FOXI2: variants seen among roughly 807,000 people sequenced by gnomAD.
FOXI2 encodes the protein forkhead box I2.
A neutral mutation model predicts 14.3 loss-of-function variants in FOXI2; 17 were observed. The ratio of observed to expected loss-of-function variants is 1.19; its 90% confidence interval spans 0.81 to 1.78. FOXI2 has a LOEUF of 1.78. Ranked by LOEUF, FOXI2 falls within the 40% of genes most tolerant of loss-of-function variation. The pLI, the probability that FOXI2 is intolerant of heterozygous loss-of-function variation, is 0.00. For synonymous variants in FOXI2, 240 were observed against 218.8 expected, an observed-to-expected ratio of 1.10 and a Z score of -0.85; for missense variants, 541 against 460.0, an observed-to-expected ratio of 1.18 and a Z score of -1.61.
chr10:127,737,851 C>A (rs1459117655), intron 1 of FOXI2, 67 bp downstream of exon 1: 3 of 1,558,540 alleles, frequency 1.9e-6, no homozygotes, highest in African/African-American at 1.4e-5. Context: ...GCGGGCACTC[C>A]GGGGGTGGGA....
rs969327418 is a variant in FOXI2 at position 127,737,636 on chromosome 10, G to C, written c.363G>C (p.Arg121=). ...IAMAIQSAPL[R]KLTLSQIYQY... is the part of the protein sequence containing the mutation. ...TGGCCATCCAGAGCGCGCCGCTGCG[G>C]AAGCTGACGCTCAGCCAGATCTACC... is the stretch of plus-strand genomic sequence containing the variant. The change falls in exon 1 of 2, where the codon CGG becomes CGC. Residue 121 remains arginine (R), a synonymous_variant. Transcript: ENST00000388920. 7.0e-6 allele frequency: 11 copies of C among 1,573,248 alleles called. No individual in the cohort carries two copies. Among genetic ancestry groups the C allele is most frequent in the Admixed American group, 3.8e-5 (2 of 53,174 alleles).
rs1190818788 is a variant in FOXI2 at position 127,740,092 on chromosome 10, ACACT to A, written c.*1131_*1134del. ...CATACTCACACTCACACCCACACTC[ACACT>A]CACACCCACACTCACACCACACTCA... On this transcript the variant is annotated 3_prime_UTR_variant, in exon 2 of 2. Coordinates refer to ENST00000388920, the MANE Select transcript of FOXI2 (RefSeq NM_207426.3). The A allele has an allele frequency of 3.4e-4, 41 of 120,940 alleles. No individual in the cohort carries two copies. Among genetic ancestry groups the A allele is most frequent in the African/African-American group, 1.3e-3 (38 of 29,190 alleles). 7.5% of individuals were successfully genotyped at this position (120,940 alleles called of 1,614,324 possible). A position where few individuals can be genotyped will look rare whatever the true frequency, so the allele number is the denominator to read the frequency against.
Position 127,737,487 on chromosome 10 carries a change from G to C in FOXI2, c.214G>C (p.Gly72Arg). 1 of 1,393,922 alleles carries C rather than the reference G, an allele frequency of 7.2e-7. No homozygotes were observed. Among genetic ancestry groups the C allele is most frequent in the Non-Finnish European group, 9.2e-7 (1 of 1,085,252 alleles). 86.3% of individuals were successfully genotyped at this position (1,393,922 alleles called of 1,614,324 possible). A position where few individuals can be genotyped will look rare whatever the true frequency, so the allele number is the denominator to read the frequency against. The change falls in exon 1 of 2, where the codon GGC becomes CGC. Residue 72 changes from glycine (G) to arginine (R), a missense_variant. Physicochemically the swap from Gly to Arg is moderately radical, Grantham distance 125. Coordinates refer to ENST00000388920, the MANE Select transcript of FOXI2 (RefSeq NM_207426.3). ...PYAAPSYGAPGPLLGAPGGLA... is the reference protein window; with the variant it reads ...PYAAPSYGAPRPLLGAPGGLA... ...CGCGGCCCCGAGCTACGGGGCTCCCGGCCCGCTCCTCGGCGCCCCGGGCGG... is the reference window on the plus strand; with the variant it reads ...CGCGGCCCCGAGCTACGGGGCTCCCCGCCCGCTCCTCGGCGCCCCGGGCGG...
Position 127,738,774 on chromosome 10 carries a change from G to T in FOXI2, c.766G>T (p.Ala256Ser). 3 of 1,605,704 alleles carry T rather than the reference G, an allele frequency of 1.9e-6. No individual in the cohort carries two copies. The highest frequency in any genetic ancestry group is 2.5e-6 in the Non-Finnish European group (3 of 1,176,906). The part of the protein sequence containing the change: ...SGFASAMSAL[A>S]GGLGTFPGGL... ...TTTCGCTTCTGCTATGAGCGCTCTGGCTGGCGGCCTTGGCACCTTCCCCGG... is the reference window on the plus strand; with the variant it reads ...TTTCGCTTCTGCTATGAGCGCTCTGTCTGGCGGCCTTGGCACCTTCCCCGG... The change falls in exon 2 of 2, where the codon GCT (alanine) becomes TCT (serine). Residue 256 changes from alanine to serine, a missense_variant. Physicochemically the swap from Ala to Ser is moderately conservative, Grantham distance 99. Transcript: ENST00000388920.
rs1426207789 is a variant in FOXI2 at position 127,737,582 on chromosome 10, G to A, written c.309G>A (p.Pro103=). Residue 103 remains proline (P), a synonymous_variant, in exon 1 of 2, where the codon CCG becomes CCA. Coordinates refer to ENST00000388920, the MANE Select transcript of FOXI2 (RefSeq NM_207426.3). ...GQQELLRLVR[P]PYSYSALIAM... Reference sequence around the variant, plus strand: ...AGGAGCTGCTGAGGCTGGTGCGGCCGCCCTACTCCTACTCGGCGCTCATCG... The same window carrying A: ...AGGAGCTGCTGAGGCTGGTGCGGCCACCCTACTCCTACTCGGCGCTCATCG... 4 of 1,550,460 alleles carry A rather than the reference G, an allele frequency of 2.6e-6. No individual in the cohort carries two copies. The highest frequency in any genetic ancestry group is 3.5e-6 in the Non-Finnish European group (4 of 1,147,306).
rs879181914 is a variant in FOXI2 at position 127,739,839 on chromosome 10, T to TCACACCCACACC, written c.*879_*880insCCACACCCACAC. 6 of 74,228 alleles carry TCACACCCACACC rather than the reference T, an allele frequency of 8.1e-5. 1 individual carries two copies. The highest frequency in any genetic ancestry group is 3.9e-4 in the African/African-American group (6 of 15,572). The allele number at this position is 74,228 out of a possible 1,614,324, so 4.6% of individuals were successfully genotyped here. The stretch of plus-strand genomic sequence containing the variant: ...CCCACACCCACACCCACACCCACAC[T>TCACACCCACACC]CACACTCACACTCACACCCACACTC... On this transcript the variant is annotated 3_prime_UTR_variant, in exon 2 of 2. Coordinates refer to ENST00000388920, the MANE Select transcript of FOXI2 (RefSeq NM_207426.3).
rs114480797 is a variant in FOXI2, at chr10:127,738,456, C to T, written c.512-64C>T. ...GATCTTTCTGAAGCTGACCTCCTCG[C>T]TGGCTCACACCACGGCCCGTCAAAG... On this transcript the variant is annotated intron_variant, in intron 1 of 1. Transcript: ENST00000388920. 2.6e-3 allele frequency: 3,516 copies of T among 1,336,508 alleles called. 83 individuals are homozygous for T. The African/African-American group carries it at 0.044, about 17-fold the overall frequency. The allele number at this position is 1,336,508 out of a possible 1,614,324, so 82.8% of individuals were successfully genotyped here.
In FOXI2 at chr10:127,740,066, TCATACTC is replaced by T; in HGVS notation, c.*1102_*1108del. On this transcript the variant is annotated 3_prime_UTR_variant, in exon 2 of 2. Transcript: ENST00000388920. ...CTGACACCCACACTCACACCCACAC[TCATACTC>T]ACACTCACACCCACACTCACACTCA... is the stretch of plus-strand genomic sequence containing the variant. 9.1e-5 allele frequency: 1 copy of T among 10,970 alleles called. No homozygotes were observed. The highest frequency in any genetic ancestry group is 3.1e-3 in the East Asian group (1 of 320). The allele number at this position is 10,970 out of a possible 1,614,324, so 0.7% of individuals were successfully genotyped here.
Position 127,737,246 on chromosome 10 carries a change from G to A in FOXI2, c.-28G>A. The A allele has an allele frequency of 6.8e-6, 10 of 1,469,130 alleles. No homozygotes were observed. Among genetic ancestry groups the A allele is most frequent in the Non-Finnish European group, 8.0e-6 (9 of 1,120,882 alleles). The allele number at this position is 1,469,130 out of a possible 1,614,324, so 91.0% of individuals were successfully genotyped here. A position where few individuals can be genotyped will look rare whatever the true frequency, so the allele number is the denominator to read the frequency against. On this transcript the variant is annotated 5_prime_UTR_variant, in exon 1 of 2. Coordinates refer to ENST00000388920, the MANE Select transcript of FOXI2 (RefSeq NM_207426.3). ...CGCCAGTGAGTTTCGGTGCGGCACC[G>A]CTGGCCCAGGCCCGGGCGCGGCTGG...
Position 127,739,002 on chromosome 10 carries a change from G to T in FOXI2, c.*37G>T, listed in dbSNP as rs1171817847. ...AGGCTAGCCGGGTGCGGGTCCAGAG[G>T]TGCTGAGCTCAGGCCTCCGGTTTCC... On this transcript the variant is annotated 3_prime_UTR_variant, in exon 2 of 2. Coordinates refer to ENST00000388920, the MANE Select transcript of FOXI2 (RefSeq NM_207426.3). 1.3e-6 allele frequency: 2 copies of T among 1,555,574 alleles called. No homozygotes were observed. Among genetic ancestry groups the T allele is most frequent in the East Asian group, 2.2e-5 (1 of 44,556 alleles).
chr10:127,737,555 G>T lies in FOXI2; in HGVS notation c.282G>T (p.Gln94His). Residue 94 changes from glutamine to histidine, a missense_variant, in exon 1 of 2, where the codon CAG becomes CAT. By Grantham distance (24) the Gln-to-His change is conservative (BLOSUM62 0). Coordinates refer to ENST00000388920, the MANE Select transcript of FOXI2 (RefSeq NM_207426.3). ...ADLAWLSLSG[Q>H]QELLRLVRPP... ...TCGCCTGGCTGAGCCTCTCCGGCCAGCAGGAGCTGCTGAGGCTGGTGCGGC... is the reference window on the plus strand; with the variant it reads ...TCGCCTGGCTGAGCCTCTCCGGCCATCAGGAGCTGCTGAGGCTGGTGCGGC... 6.5e-7 allele frequency: 1 copy of T among 1,533,432 alleles called. No homozygotes were observed. The highest frequency in any genetic ancestry group is 8.8e-7 in the Non-Finnish European group (1 of 1,139,200). 95.0% of individuals were successfully genotyped at this position (1,533,432 alleles called of 1,614,324 possible).
At position 127,739,991 on chromosome 10, in the gene FOXI2, A is replaced by G. The variant is rs1238055597; in HGVS notation, c.*1026A>G. 2 of 50,436 alleles carry G rather than the reference A, an allele frequency of 4.0e-5. No individual in the cohort carries two copies. Among genetic ancestry groups the G allele is most frequent in the South Asian group, 7.2e-4 (1 of 1,388 alleles). The allele number at this position is 50,436 out of a possible 1,614,324, so 3.1% of individuals were successfully genotyped here. On this transcript the variant is annotated 3_prime_UTR_variant, in exon 2 of 2. Coordinates refer to ENST00000388920, the MANE Select transcript of FOXI2 (RefSeq NM_207426.3). ...CATACTCACACTCACACCCACACTC[A>G]CACCACACCCACACTCACACTGACA... is the stretch of plus-strand genomic sequence containing the variant.
chr10:127,738,455 G>T, intron 1 of FOXI2, 65 bp from the exon 2 acceptor site: 3 of 1,318,696 alleles, frequency 2.3e-6, no homozygotes, highest in East Asian at 2.5e-5. Flanking sequence ...TGACCTCCTC[G>T]CTGGCTCACA....
Position 127,737,242 on chromosome 10 carries a change from C to T in FOXI2, c.-32C>T. 1 of 1,468,346 alleles carries T rather than the reference C, an allele frequency of 6.8e-7. No individual in the cohort carries two copies. Among genetic ancestry groups the T allele is most frequent in the Non-Finnish European group, 8.9e-7 (1 of 1,120,648 alleles). 91.0% of individuals were successfully genotyped at this position (1,468,346 alleles called of 1,614,324 possible). ...GGGTCGCCAGTGAGTTTCGGTGCGG[C>T]ACCGCTGGCCCAGGCCCGGGCGCGG... On this transcript the variant is annotated 5_prime_UTR_variant, in exon 1 of 2. Transcript: ENST00000388920.
rs11018306 is a variant in FOXI2 at position 127,740,147 on chromosome 10, T to C, written c.*1182T>C. On this transcript the variant is annotated 3_prime_UTR_variant, in exon 2 of 2. Transcript: ENST00000388920. Reference sequence around the variant, plus strand: ...CACCCACACACACCCACACTCATACTCACACCCACACCCACACTCATACTC... The same window carrying C: ...CACCCACACACACCCACACTCATACCCACACCCACACCCACACTCATACTC... The C allele has an allele frequency of 2.1e-3, 13 of 6,168 alleles. No individual in the cohort carries two copies. The highest frequency in any genetic ancestry group is 0.011 in the East Asian group (1 of 92). The allele number at this position is 6,168 out of a possible 1,614,324, so 0.4% of individuals were successfully genotyped here. A position where few individuals can be genotyped will look rare whatever the true frequency, so the allele number is the denominator to read the frequency against.
In FOXI2 at chr10:127,740,025, CACACCCACACTCACACTG is replaced by C. The variant is rs1246982849; in HGVS notation, c.*1077_*1094del. The C allele has an allele frequency of 7.2e-6, 1 of 139,304 alleles. No individual in the cohort carries two copies. The highest frequency in any genetic ancestry group is 1.5e-5 in the Non-Finnish European group (1 of 64,908). 8.6% of individuals were successfully genotyped at this position (139,304 alleles called of 1,614,324 possible). ...CCACACTCACACTGACACCCACACT[CACACCCACACTCACACTG>C]ACACCCACACTCACACCCACACTCA... is the stretch of plus-strand genomic sequence containing the variant. On this transcript the variant is annotated 3_prime_UTR_variant, in exon 2 of 2. Transcript: ENST00000388920.
rs771607571 is a variant in FOXI2, at chr10:127,738,705, T to A, written c.697T>A (p.Ser233Thr). The change falls in exon 2 of 2, where the codon TCG becomes ACG. Residue 233 changes from serine (S) to threonine (T), a missense_variant. Transcript: ENST00000388920. ...PSAACLDLQA[S>T]PSPSAPEAAT... The stretch of plus-strand genomic sequence containing the variant: ...CGCGGCTTGCCTGGACCTGCAGGCC[T>A]CGCCCTCTCCATCCGCACCCGAGGC... The A allele has an allele frequency of 1.6e-5, 25 of 1,597,536 alleles. No individual in the cohort carries two copies. The highest frequency in any genetic ancestry group is 3.4e-5 in the Admixed American group (2 of 58,438).
In FOXI2 at chr10:127,739,940, C is replaced by T. The variant is rs1240853730; in HGVS notation, c.*975C>T. On this transcript the variant is annotated 3_prime_UTR_variant, in exon 2 of 2. Transcript: ENST00000388920. ...CCACACCCACACTCACACCCACACACACTCACACCCACACACACCCACACT... is the reference window on the plus strand; with the variant it reads ...CCACACCCACACTCACACCCACACATACTCACACCCACACACACCCACACT... 28 of 66,570 alleles carry T rather than the reference C, an allele frequency of 4.2e-4. 1 individual carries two copies. The highest frequency in any genetic ancestry group is 1.6e-3 in the African/African-American group (23 of 14,332). 4.1% of individuals were successfully genotyped at this position (66,570 alleles called of 1,614,324 possible). A position where few individuals can be genotyped will look rare whatever the true frequency, so the allele number is the denominator to read the frequency against.
In FOXI2 at chr10:127,737,500, G is replaced by A. The variant is rs1445989363; in HGVS notation, c.227G>A (p.Gly76Asp). Residue 76 changes from glycine (G) to aspartate (D), a missense_variant, in exon 1 of 2, where the codon GGC becomes GAC. Transcript: ENST00000388920. The part of the protein sequence containing the change: ...PSYGAPGPLL[G>D]APGGLAGADL... ...TACGGGGCTCCCGGCCCGCTCCTCG[G>A]CGCCCCGGGCGGCCTGGCGGGCGCC... The A allele has an allele frequency of 7.1e-7, 1 of 1,401,552 alleles. No individual in the cohort carries two copies. The highest frequency in any genetic ancestry group is 3.6e-5 in the Admixed American group (1 of 27,696). 86.8% of individuals were successfully genotyped at this position (1,401,552 alleles called of 1,614,324 possible). A position where few individuals can be genotyped will look rare whatever the true frequency, so the allele number is the denominator to read the frequency against.
Sources: gnomAD v4.1 joint callset for allele counts on GRCh38, gnomAD v4.1.1 for gene constraint, MANE v1.5 for transcripts, NCBI Gene and HGNC (gene_info 2026-07-23, HGNC 2026-07-21) for gene names.